Variants in SMO observed in about 807,000 individuals in gnomAD.
The protein encoded by SMO is smoothened, frizzled class receptor.
Under a neutral mutation model 81.6 loss-of-function variants are expected in SMO, and 40 were observed. That is an observed-to-expected ratio of 0.49 (90% CI 0.38 to 0.64). SMO has a LOEUF of 0.64. SMO is among the 30% of genes least tolerant of loss of function. The pLI is 0.00. For missense variants in SMO, 916 were observed against 1,061.1 expected (o/e 0.86, Z 1.90); for synonymous variants, 434 against 432.1 (o/e 1.00, Z -0.05).
At position 129,205,601 on chromosome 7, in the gene SMO, C is replaced by G. The variant is rs575373580; in HGVS notation, c.748-9C>G. 4.0e-5 allele frequency: 64 copies of G among 1,610,198 alleles called. No homozygotes were observed. The highest frequency in any genetic ancestry group is 7.7e-5 in the South Asian group (7 of 91,002). On this transcript the variant is annotated splice_polypyrimidine_tract_variant and intron_variant, in intron 3 of 11. Transcript: ENST00000249373. ...TAACCTCACAGAATGGCCCACTTCT[C>G]TCTTCTAGGCCACATTCGTGGCTGA...
Position 129,211,262 on chromosome 7 carries a change from C to A in SMO, c.1801+149C>A. ...CTCCATCGCTCACACACCCATTCTT[C>A]CCCCGGCCCCTCCTACCCTCTGGGG... On this transcript the variant is annotated intron_variant, in intron 10 of 11. Coordinates refer to ENST00000249373, the MANE Select transcript of SMO (RefSeq NM_005631.5). This position sits in a 1 kb window ranked among gnomAD's most constrained non-coding sequence, Gnocchi z 4.6. 2.3e-6 allele frequency: 2 copies of A among 874,744 alleles called. No individual in the cohort carries two copies. The highest frequency in any genetic ancestry group is 3.7e-6 in the Non-Finnish European group (2 of 547,418). The allele number at this position is 874,744 out of a possible 1,614,324, so 54.2% of individuals were successfully genotyped here.
chr7:129,211,501 TGGTTACAG>T lies in SMO; in HGVS notation c.1802-131_1802-124del. ...GATTCTGAAGGGGTAGAGATCACCG[TGGTTACAG>T]GGTGAGCTTTCTCTGGTGAGCAGGA... On this transcript the variant is annotated intron_variant, in intron 10 of 11. Transcript: ENST00000249373. The surrounding 1 kb of genome is among the most constrained non-coding windows in gnomAD (Gnocchi z 4.6). 1.0e-6 allele frequency: 1 copy of T among 962,600 alleles called. No homozygotes were observed. Among genetic ancestry groups the T allele is most frequent in the South Asian group, 1.3e-5 (1 of 75,170 alleles). The allele number at this position is 962,600 out of a possible 1,614,324, so 59.6% of individuals were successfully genotyped here.
At position 129,203,367 on chromosome 7, in the gene SMO, G is replaced by T. The variant is rs1227319860; in HGVS notation, c.332-17G>T. 6.5e-7 allele frequency: 1 copy of T among 1,543,520 alleles called. No individual in the cohort carries two copies. Among genetic ancestry groups the T allele is most frequent in the East Asian group, 2.4e-5 (1 of 40,890 alleles). ...AGTGAGGAGGGGCCTTCACTGCAAT[G>T]CTGTTGCCACCCCCAGGCCTCCGGA... On this transcript the variant is annotated splice_polypyrimidine_tract_variant and intron_variant, in intron 1 of 11. Transcript: ENST00000249373.
chr7:129,190,547 A>G (rs914319074), intron 1 of SMO, among the ~76,000 whole-genome samples: 1 of 152,198 alleles, frequency 6.6e-6, no homozygotes, highest in African/African-American at 2.4e-5. Flanking sequence ...CCCATCTCTT[A>G]GCTCTGCCCA....
chr7:129,209,391 A>G lies in SMO; in HGVS notation c.1460A>G (p.Tyr487Cys), dbSNP rs2150652983. ...QAEWERSFRD[Y>C]VLCQANVTIG... ...GAGTGGGAGCGCAGCTTCCGGGACTATGTGCTGTGAGTGAGGGGCATGGAG... is the reference window on the plus strand; with the variant it reads ...GAGTGGGAGCGCAGCTTCCGGGACTGTGTGCTGTGAGTGAGGGGCATGGAG... The change falls in exon 8 of 12, where the codon TAT becomes TGT. Residue 487 changes from tyrosine to cysteine, a missense_variant. This residue lies in a region of SMO where 436 missense variants were observed against 570.9 expected (regional missense o/e 0.76). Transcript: ENST00000249373. 1 of 1,608,416 alleles carries G rather than the reference A, an allele frequency of 6.2e-7. No individual in the cohort carries two copies. Among genetic ancestry groups the G allele is most frequent in the Non-Finnish European group, 8.5e-7 (1 of 1,174,802 alleles).
At chr7:129,205,523 G>C (rs1382418167) in intron 3 of SMO, 87 bp from the exon 4 acceptor site, 2 of 1,519,690 alleles carry the variant, frequency 1.3e-6, no homozygotes, top group African/African-American at 2.7e-5. Flanking sequence ...GAAGGGTCAT[G>C]ATCAGAAGGG....
intron 1 of SMO, among the ~76,000 whole-genome samples, chr7:129,191,637 G>A (rs1793483478): frequency 6.6e-6 from 1 of 152,148 alleles, no homozygotes; most frequent in African/African-American, 2.4e-5. Flanking sequence ...GGTAGCCTCT[G>A]GCAAGTGATT....
Position 129,211,203 on chromosome 7 carries a change from T to C in SMO, c.1801+90T>C, listed in dbSNP as rs1392111976. ...CAGCCTGCTGGGGGCACACAGATTA[T>C]TTGGAAGACCGACTGTGAGGAGCAA... On this transcript the variant is annotated intron_variant, in intron 10 of 11. Transcript: ENST00000249373. This position sits in a 1 kb window ranked among gnomAD's most constrained non-coding sequence, Gnocchi z 4.6. 3.6e-6 allele frequency: 5 copies of C among 1,393,604 alleles called. No individual in the cohort carries two copies. Among genetic ancestry groups the C allele is most frequent in the Middle Eastern group, 2.0e-4 (1 of 5,068 alleles). The allele number at this position is 1,393,604 out of a possible 1,614,324, so 86.3% of individuals were successfully genotyped here. A position where few individuals can be genotyped will look rare whatever the true frequency, so the allele number is the denominator to read the frequency against.
chr7:129,208,835 G>T lies in SMO; in HGVS notation c.1341G>T (p.Glu447Asp). The T allele has an allele frequency of 6.2e-7, 1 of 1,613,732 alleles. No individual in the cohort carries two copies. Among genetic ancestry groups the T allele is most frequent in the South Asian group, 1.1e-5 (1 of 91,024 alleles). Residue 447 changes from glutamate (E) to aspartate (D), a missense_variant, in exon 7 of 12, where the codon GAG becomes GAT. Glu to Asp is a conservative substitution (Grantham distance 45). This residue lies in a region of SMO where 436 missense variants were observed against 570.9 expected (regional missense o/e 0.76). Coordinates refer to ENST00000249373, the MANE Select transcript of SMO (RefSeq NM_005631.5). This position sits in a 1 kb window ranked among gnomAD's most constrained non-coding sequence, Gnocchi z 5.2. ...LSEKAASKIN[E>D]TMLRLGIFGF... is the part of the protein sequence containing the mutation. ...AGAAGGCTGCCAGCAAGATCAACGAGACCATGCTGCGCCTGGGTGAGTGGC... is the reference window on the plus strand; with the variant it reads ...AGAAGGCTGCCAGCAAGATCAACGATACCATGCTGCGCCTGGGTGAGTGGC...
At position 129,212,618 on chromosome 7, in the gene SMO, G is replaced by A. The variant is rs1003097081; in HGVS notation, c.*167G>A. 4.5e-6 allele frequency: 3 copies of A among 668,206 alleles called. No homozygotes were observed. Among genetic ancestry groups the A allele is most frequent in the South Asian group, 2.0e-5 (1 of 51,224 alleles). The allele number at this position is 668,206 out of a possible 1,614,324, so 41.4% of individuals were successfully genotyped here. A position where few individuals can be genotyped will look rare whatever the true frequency, so the allele number is the denominator to read the frequency against. On this transcript the variant is annotated 3_prime_UTR_variant, in exon 12 of 12. Transcript: ENST00000249373. The surrounding 1 kb of genome is among the most constrained non-coding windows in gnomAD (Gnocchi z 5.0). ...CTGGCTCAAAGCAGCAGGACTGTGGGAAAGAGCCTAACATCTCCATGGGGA... is the reference window on the plus strand; with the variant it reads ...CTGGCTCAAAGCAGCAGGACTGTGGAAAAGAGCCTAACATCTCCATGGGGA...
chr7:129,189,197 G>C lies in SMO; in HGVS notation c.46G>C (p.Gly16Arg). 1 of 1,153,792 alleles carries C rather than the reference G, an allele frequency of 8.7e-7. No individual in the cohort carries two copies. Among genetic ancestry groups the C allele is most frequent in the Non-Finnish European group, 1.1e-6 (1 of 919,842 alleles). 71.5% of individuals were successfully genotyped at this position (1,153,792 alleles called of 1,614,324 possible). A position where few individuals can be genotyped will look rare whatever the true frequency, so the allele number is the denominator to read the frequency against. ...PARGPELPLL[G>R]LLLLLLLGDP... is the part of the protein sequence containing the mutation. ...GCGGGGGCCGGAGCTCCCGCTCCTG[G>C]GGCTGCTGCTGCTGCTGCTGCTGGG... Residue 16 changes from glycine to arginine, a missense_variant, in exon 1 of 12, where the codon GGG (glycine) becomes CGG (arginine). By Grantham distance (125) the Gly-to-Arg change is moderately radical (BLOSUM62 -2). This residue lies in a region of SMO where 146 missense variants were observed against 149.9 expected (regional missense o/e 0.97). Transcript: ENST00000249373. This position sits in a 1 kb window ranked among gnomAD's most constrained non-coding sequence, Gnocchi z 4.7.
intron 1 of SMO, among the ~76,000 whole-genome samples, chr7:129,194,846 G>A (rs1041196955): frequency 5.9e-5 from 9 of 152,002 alleles, no homozygotes; most frequent in South Asian, 2.1e-4. Context: ...GCAGTGGCGC[G>A]ATCTCGGCTC....
chr7:129,197,191 T>C (rs1183111358), intron 1 of SMO, among the ~76,000 whole-genome samples: 1 of 152,162 alleles, frequency 6.6e-6, no homozygotes, highest in African/African-American at 2.4e-5. Context: ...CCAAGTCTTA[T>C]ACCTTTTATT....
rs1001479504 is a variant in SMO at position 129,188,741 on chromosome 7, T to C, written c.-411T>C. On this transcript the variant is annotated 5_prime_UTR_variant, in exon 1 of 12. Transcript: ENST00000249373. The surrounding 1 kb of genome is among the most constrained non-coding windows in gnomAD (Gnocchi z 4.9). Reference sequence around the variant, plus strand: ...CGAAGGTGGCTGCTGGGCCGCGGGCTGGCGCGGGGGCGGAGCCGGAGCTGC... The same window carrying C: ...CGAAGGTGGCTGCTGGGCCGCGGGCCGGCGCGGGGGCGGAGCCGGAGCTGC... 58 of 198,494 alleles carry C rather than the reference T, an allele frequency of 2.9e-4. No individual in the cohort carries two copies. The East Asian group carries it at 4.6e-3, about 16-fold the overall frequency. 12.3% of individuals were successfully genotyped at this position (198,494 alleles called of 1,614,324 possible). A position where few individuals can be genotyped will look rare whatever the true frequency, so the allele number is the denominator to read the frequency against.
chr7:129,205,561 T>C (rs1365708765), intron 3 of SMO, 49 bp from the exon 4 acceptor site: 1 of 1,572,428 alleles, frequency 6.4e-7, no homozygotes, highest in Non-Finnish European at 8.7e-7. Flanking sequence ...GGTGTCTGTG[T>C]CAGCAGAATA....
At chr7:129,204,216 C>A (rs964070984) in intron 2 of SMO, among the ~76,000 whole-genome samples, 1 of 151,966 alleles carries the variant, frequency 6.6e-6, no homozygotes, top group African/African-American at 2.4e-5. Context: ...GCCTGTAGTC[C>A]CAGCTACTCG....
At chr7:129,203,706 T>G (rs1379044511) in intron 2 of SMO, 117 bp downstream of exon 2, 3 of 748,876 alleles carry the variant, frequency 4.0e-6, no homozygotes, top group Middle Eastern at 3.2e-4. Flanking sequence ...ACCCTGAGCC[T>G]ACAGCCATGG....
intron 1 of SMO, among the ~76,000 whole-genome samples, chr7:129,200,530 T>C (rs1275281060): frequency 6.6e-6 from 1 of 152,226 alleles, no homozygotes; most frequent in Admixed American, 6.5e-5. Context: ...GGGGTAAAGC[T>C]CCACCTTATT....
At chr7:129,197,201 T>G (rs543116537) in intron 1 of SMO, among the ~76,000 whole-genome samples, 3 of 152,252 alleles carry the variant, frequency 2.0e-5, no homozygotes, top group Non-Finnish European at 4.4e-5. Flanking sequence ...TACCTTTTAT[T>G]TATCCTTATT....
Sources: gnomAD v4.1 joint callset for allele counts (sites outside exome capture counted in the v4.1 genomes callset) on GRCh38, gnomAD v4.1.1 for gene constraint, gnomAD v4.1.1 regional missense constraint, Gnocchi (gnomAD v3.1) non-coding constraint, MANE v1.5 for transcripts, NCBI Gene and HGNC (gene_info 2026-07-23, HGNC 2026-07-21) for gene names.